The following E2F8 variants were observed in gnomAD, a reference collection of about 807,000 sequenced individuals.
E2F8 encodes the protein transcription factor E2F8.
A neutral mutation model predicts 80.8 loss-of-function variants in E2F8; 35 were observed. The ratio of observed to expected loss-of-function variants is 0.43; its 90% CI spans 0.33 to 0.57. The LOEUF is 0.57. Among genes scored for constraint, E2F8 ranks in the 20% least tolerant of loss-of-function variants. The pLI is 0.04. For synonymous variants in E2F8, 386 were observed against 395.0 expected, an observed-to-expected ratio of 0.98 and a Z score of 0.27; for missense variants, 975 against 1,056.2, an observed-to-expected ratio of 0.92 and a Z score of 1.07.
intron 7 of E2F8, among the ~76,000 whole-genome samples, 194 bp from the exon 8 acceptor site, chr11:19,231,028 A>G (rs1336265317): frequency 6.6e-6 from 1 of 152,250 alleles, no homozygotes; most frequent in East Asian, 1.9e-4. Flanking sequence ...TATTTCCTAC[A>G]TTAGCATTTC....
In E2F8 at chr11:19,240,923, C is replaced by T. The variant is rs1160413498; in HGVS notation, c.-485G>A. ...GCCCAATAAGGCAAGCAGGTACTGT[C>T]CCCCGGCCGCCACTCGCTCAGTGCA... On this transcript the variant is annotated 5_prime_UTR_variant, in exon 1 of 13. Coordinates refer to ENST00000250024, the MANE Select transcript of E2F8 (RefSeq NM_024680.4). 2.0e-5 allele frequency: 3 copies of T among 152,502 alleles called. No individual in the cohort carries two copies. The highest frequency in any genetic ancestry group is 6.5e-5 in the Admixed American group (1 of 15,284). 9.4% of individuals were successfully genotyped at this position (152,502 alleles called of 1,614,324 possible). A position where few individuals can be genotyped will look rare whatever the true frequency, so the allele number is the denominator to read the frequency against.
chr11:19,240,031 G>A, intron 2 of E2F8, 76 bp downstream of exon 2: 1 of 1,240,882 alleles, frequency 8.1e-7, no homozygotes. Context: ...ACATTGGATA[G>A]GGAAAAATTA....
rs780580458 is a variant in E2F8, at chr11:19,229,598, C to T, written c.1749G>A (p.Leu583=). ...ASASTRPGSL[L]PAPERQGAKS... Reference sequence around the variant, plus strand: ...TTGCCCCTTGCCTCTCTGGTGCTGGCAGCAAGCTTCCAGGCCTGGTAGAGG... The same window carrying T: ...TTGCCCCTTGCCTCTCTGGTGCTGGTAGCAAGCTTCCAGGCCTGGTAGAGG... The change falls in exon 10 of 13, where the codon CTG becomes CTA. Residue 583 remains leucine, a synonymous_variant. Coordinates refer to ENST00000250024, the MANE Select transcript of E2F8 (RefSeq NM_024680.4). This position sits in a 1 kb window ranked among gnomAD's most constrained non-coding sequence, Gnocchi z 4.3. 11 of 1,614,192 alleles carry T rather than the reference C, an allele frequency of 6.8e-6. No individual in the cohort carries two copies. In the South Asian group the frequency reaches 1.2e-4, roughly 18 times the overall value.
In E2F8 at chr11:19,234,530, A is replaced by T. The variant is rs760702410; in HGVS notation, c.767-9T>A. ...GCGGCTGTTTACAGAAGCTTTAGAG[A>T]AGGATGAGGATTAGAGAATTAAAAT... On this transcript the variant is annotated splice_polypyrimidine_tract_variant and intron_variant, in intron 5 of 12. Transcript: ENST00000250024. The T allele has an allele frequency of 8.1e-6, 13 of 1,611,778 alleles. No individual in the cohort carries two copies. The African/African-American group carries it at 1.6e-4, about 20-fold the overall frequency.
intron 2 of E2F8, among the ~76,000 whole-genome samples, chr11:19,239,325 C>A (rs1181850400): frequency 6.6e-6 from 1 of 152,148 alleles, no homozygotes; most frequent in Non-Finnish European, 1.5e-5. Context: ...AACAGGAGCT[C>A]CTTGCCAGTG....
chr11:19,235,094 TG>T (rs762684521), intron 4 of E2F8, 36 bp from the exon 5 acceptor site: 1 of 1,541,542 alleles, frequency 6.5e-7, no homozygotes, highest in South Asian at 1.3e-5. Context: ...TACAGATTTT[TG>T]TAACGTGTTT....
At chr11:19,236,669 G>C (rs1489396479) in intron 4 of E2F8, among the ~76,000 whole-genome samples, 2 of 152,150 alleles carry the variant, frequency 1.3e-5, no homozygotes, top group Non-Finnish European at 2.9e-5. Context: ...TTTCTTCACG[G>C]GGTGATTGCT....
In E2F8 at chr11:19,235,048, A is replaced by C; in HGVS notation, c.462T>G (p.Arg154=). 1 of 1,604,080 alleles carries C rather than the reference A, an allele frequency of 6.2e-7. No individual in the cohort carries two copies. Among genetic ancestry groups the C allele is most frequent in the Non-Finnish European group, 8.5e-7 (1 of 1,174,588 alleles). ...CGTTCACGATATCGTAAATGCGTCG[A>C]CGTTCAACATCTACAAAGAATGTGC... ...DEVAEELNVE[R]RRIYDIVNVL... The change falls in exon 5 of 13, where the codon CGT becomes CGG. Residue 154 remains arginine (R), a synonymous_variant. Coordinates refer to ENST00000250024, the MANE Select transcript of E2F8 (RefSeq NM_024680.4).
chr11:19,227,006 C>T (rs1851253022), intron 10 of E2F8, among the ~76,000 whole-genome samples: 1 of 152,190 alleles, frequency 6.6e-6, no homozygotes, highest in Admixed American at 6.5e-5. Context: ...ACTGTACTTT[C>T]CCAAACAGAA....
In E2F8 at chr11:19,225,254, A is replaced by G; in HGVS notation, c.2388T>C (p.Asn796=). ...CCCCTGTCACAGCAACTGATTGTCC[A>G]TTTGGCTGGCTCTGGCCTGGGACTG... is the stretch of plus-strand genomic sequence containing the variant. ...DSPVPGQSQP[N]GQSVAVTGAQ... is the part of the protein sequence containing the mutation. The change falls in exon 12 of 13, where the codon AAT becomes AAC. Residue 796 remains asparagine (N), a synonymous_variant. Transcript: ENST00000250024. 6.2e-7 allele frequency: 1 copy of G among 1,613,916 alleles called. No homozygotes were observed. The highest frequency in any genetic ancestry group is 8.5e-7 in the Non-Finnish European group (1 of 1,180,032).
chr11:19,232,139 G>A (rs1851398981), intron 7 of E2F8, 95 bp downstream of exon 7: 3 of 1,520,466 alleles, frequency 2.0e-6, no homozygotes, highest in Non-Finnish European at 2.7e-6. Flanking sequence ...AGAACACATG[G>A]ACACAGGGAG....
chr11:19,231,134 C>G (rs1257557374), intron 7 of E2F8, among the ~76,000 whole-genome samples: 1 of 152,166 alleles, frequency 6.6e-6, no homozygotes, highest in Non-Finnish European at 1.5e-5. Context: ...GTGCATCTTA[C>G]AATCAGTGAA....
chr11:19,235,921 G>A (rs958723422), intron 4 of E2F8, among the ~76,000 whole-genome samples: 2 of 152,010 alleles, frequency 1.3e-5, no homozygotes, highest in Middle Eastern at 3.2e-3. Context: ...GCCTTTTTGG[G>A]TCTAATTTTG....
Position 19,240,183 on chromosome 11 carries a change from C to T in E2F8, c.-62G>A, listed in dbSNP as rs2133584622. On this transcript the variant is annotated 5_prime_UTR_variant, in exon 2 of 13. Transcript: ENST00000250024. ...AAAAATCTGGAGTTCCTCCCCAAAT[C>T]CCGATGGTTCAAGTAGTCCAATCAA... 3 of 1,218,288 alleles carry T rather than the reference C, an allele frequency of 2.5e-6. No individual in the cohort carries two copies. Among genetic ancestry groups the T allele is most frequent in the Non-Finnish European group, 3.4e-6 (3 of 882,312 alleles). 75.5% of individuals were successfully genotyped at this position (1,218,288 alleles called of 1,614,324 possible).
At chr11:19,237,795 A>C in intron 3 of E2F8, 59 bp downstream of exon 3, 1 of 1,552,640 alleles carries the variant, frequency 6.4e-7, no homozygotes, top group Non-Finnish European at 8.7e-7. Flanking sequence ...TAATAGCTAC[A>C]ACCTCCCCCC....
At chr11:19,231,964 G>A (rs112881305) in intron 7 of E2F8, among the ~76,000 whole-genome samples, 8 of 152,312 alleles carry the variant, frequency 5.3e-5, no homozygotes, top group African/African-American at 1.9e-4. Context: ...TAAAGAAAAT[G>A]TGGTACATAT....
chr11:19,228,700 C>T (rs943532149), intron 10 of E2F8, among the ~76,000 whole-genome samples: 1 of 152,224 alleles, frequency 6.6e-6, no homozygotes, highest in East Asian at 1.9e-4. Flanking sequence ...TTAACTTTTA[C>T]TTGCACATTT....
intron 2 of E2F8, among the ~76,000 whole-genome samples, chr11:19,238,684 A>C (rs1011059895): frequency 2.6e-5 from 4 of 152,242 alleles, no homozygotes; most frequent in Non-Finnish European, 5.9e-5. Flanking sequence ...AGAGTGAGGG[A>C]TAGCATATGG....
chr11:19,237,806 TC>T, intron 3 of E2F8, 47 bp downstream of exon 3: 2 of 1,354,730 alleles, frequency 1.5e-6, no homozygotes, highest in South Asian at 1.3e-5. Context: ...ACCTCCCCCC[TC>T]CCCCCAACAA....
Sources: gnomAD v4.1 joint callset for allele counts (sites outside exome capture counted in the v4.1 genomes callset) on GRCh38, gnomAD v4.1.1 for gene constraint, Gnocchi (gnomAD v3.1) non-coding constraint, MANE v1.5 for transcripts, NCBI Gene and HGNC (gene_info 2026-07-23, HGNC 2026-07-21) for gene names.